DNAJC1: variants seen among roughly 807,000 people sequenced by gnomAD.
DNAJC1 encodes the protein DnaJ heat shock protein family (Hsp40) member C1.
In DNAJC1, 58 loss-of-function variants were observed where a neutral mutation model predicts 76.6. That is an observed-to-expected ratio of 0.76 (90% CI 0.61 to 0.94). The LOEUF is 0.94. Ranked by LOEUF, DNAJC1 falls within the 40% of genes least tolerant of loss-of-function variation. The probability of loss-of-function intolerance (pLI) is 0.00; values close to 1 mark genes in which losing one functional copy is unlikely to be tolerated. For synonymous variants in DNAJC1, 258 were observed against 267.9 expected, an observed-to-expected ratio of 0.96 and a Z score of 0.36; for missense variants, 689 against 677.3, an observed-to-expected ratio of 1.02 and a Z score of -0.19.
At chr10:21,885,227 G>C (rs924460722) in intron 7 of DNAJC1, among the ~76,000 whole-genome samples, 11 of 151,404 alleles carry the variant, frequency 7.3e-5, no homozygotes, top group African/African-American at 2.7e-4. Context: ...CTAATTTAAA[G>C]ATTAAAAAAC....
intron 7 of DNAJC1, among the ~76,000 whole-genome samples, chr10:21,882,831 A>G (rs918327201): frequency 1.3e-5 from 2 of 152,078 alleles, no homozygotes; most frequent in African/African-American, 4.8e-5. Flanking sequence ...TCTCATCTAT[A>G]AAAAAAACCT....
chr10:21,837,082 C>T (rs1044253380), intron 8 of DNAJC1, among the ~76,000 whole-genome samples: 1 of 152,228 alleles, frequency 6.6e-6, no homozygotes, highest in African/African-American at 2.4e-5. Flanking sequence ...GACTGGTATT[C>T]GTATTTTTTT....
intron 1 of DNAJC1, among the ~76,000 whole-genome samples, chr10:21,996,797 G>C (rs1032605613): frequency 6.6e-6 from 1 of 152,100 alleles, no homozygotes; most frequent in Non-Finnish European, 1.5e-5. Context: ...ATTGGCTCAG[G>C]CATCTTCCAC....
chr10:21,821,913 G>A (rs912602171), intron 8 of DNAJC1, among the ~76,000 whole-genome samples: 22 of 151,256 alleles, frequency 1.5e-4, no homozygotes, highest in African/African-American at 4.6e-4. Context: ...ACATATCACC[G>A]GTAAATGGTA....
In DNAJC1 at chr10:21,766,282, C is replaced by T. The variant is rs1352340052; in HGVS notation, c.1126G>A (p.Asp376Asn). 1 of 1,613,604 alleles carries T rather than the reference C, an allele frequency of 6.2e-7. No homozygotes were observed. Among genetic ancestry groups the T allele is most frequent in the Admixed American group, 1.7e-5 (1 of 60,016 alleles). ...TCACCTGGGGAGCAGGTCACTGAAT[C>T]CTTCAGTTGCTTGGCTTTGGTTGTC... is the stretch of plus-strand genomic sequence containing the variant. ...DVTTKAKQLK[D>N]SVTCSPGMVR... The change falls in exon 10 of 12, where the codon GAT becomes AAT. Residue 376 changes from aspartate (D) to asparagine (N), a missense_variant. Transcript: ENST00000376980.
chr10:21,789,362 A>G (rs1051103069), intron 9 of DNAJC1, among the ~76,000 whole-genome samples: 1 of 152,180 alleles, frequency 6.6e-6, no homozygotes, highest in African/African-American at 2.4e-5. Context: ...GTAAGACCCA[A>G]CTGCAGGTGA....
At chr10:21,850,961 A>C (rs1290549032) in intron 8 of DNAJC1, among the ~76,000 whole-genome samples, 1 of 152,216 alleles carries the variant, frequency 6.6e-6, no homozygotes, top group Non-Finnish European at 1.5e-5. Flanking sequence ...GAGACTATAC[A>C]TACAGAATGA....
intron 8 of DNAJC1, among the ~76,000 whole-genome samples, chr10:21,862,493 A>C (rs563200064): frequency 7.3e-6 from 1 of 137,678 alleles, no homozygotes; most frequent in Non-Finnish European, 1.5e-5. Context: ...CAGTCGTGTG[A>C]TCTTGGCTGA....
chr10:21,779,938 C>T (rs987574518), intron 9 of DNAJC1, among the ~76,000 whole-genome samples: 11 of 152,196 alleles, frequency 7.2e-5, no homozygotes, highest in Admixed American at 2.0e-4. Flanking sequence ...AAGAGAACTA[C>T]GTGATGCATG....
intron 8 of DNAJC1, among the ~76,000 whole-genome samples, chr10:21,853,979 A>C (rs1310751213): frequency 6.6e-6 from 1 of 152,024 alleles, no homozygotes; most frequent in Non-Finnish European, 1.5e-5. Context: ...CCTTTGAAAG[A>C]TCAACACATA....
intron 1 of DNAJC1, among the ~76,000 whole-genome samples, chr10:21,954,297 TG>T (rs1413862541): frequency 6.6e-6 from 1 of 152,182 alleles, no homozygotes; most frequent in Non-Finnish European, 1.5e-5. Context: ...ACACTCTCAT[TG>T]TACTCTCAGG....
chr10:21,943,291 A>G (rs1182624229), intron 1 of DNAJC1, among the ~76,000 whole-genome samples: 1 of 152,228 alleles, frequency 6.6e-6, no homozygotes, highest in Non-Finnish European at 1.5e-5. Flanking sequence ...ATAAAACAGA[A>G]AAGGGAAAAA....
At chr10:21,924,223 T>C (rs1837084359) in intron 3 of DNAJC1, among the ~76,000 whole-genome samples, 1 of 152,126 alleles carries the variant, frequency 6.6e-6, no homozygotes, top group South Asian at 2.1e-4. Flanking sequence ...ATTCTCAGAC[T>C]AATGGTTATT....
At chr10:21,854,165 A>G (rs1193644569) in intron 8 of DNAJC1, among the ~76,000 whole-genome samples, 2 of 152,160 alleles carry the variant, frequency 1.3e-5, no homozygotes, top group Admixed American at 6.5e-5. Flanking sequence ...GAAGAGAAAT[A>G]TAAGTCACCA....
rs948906770 is a variant in DNAJC1, at chr10:21,831,639, T to C, written c.979-25540A>G. Among the ~76,000 whole-genome samples the C allele has an allele frequency of 4.6e-5, 7 of 151,736 alleles. 1 individual carries two copies. ...CCCCATCTCTACTCAAAATTCAAAA[T>C]ATTAGCCAGGCATGGTGGCAGGCGC... On this transcript the variant is annotated intron_variant, in intron 8 of 11. Transcript: ENST00000376980.
chr10:21,969,022 G>A (rs1329402571), intron 1 of DNAJC1, among the ~76,000 whole-genome samples: 2 of 151,820 alleles, frequency 1.3e-5, no homozygotes, highest in Non-Finnish European at 2.9e-5. Context: ...TCAGGAATTC[G>A]AGACCAGCCT....
At chr10:21,766,945 G>T (rs991187702) in intron 9 of DNAJC1, among the ~76,000 whole-genome samples, 1 of 149,346 alleles carries the variant, frequency 6.7e-6, no homozygotes, top group Non-Finnish European at 1.5e-5. Flanking sequence ...ACTCCAGCCT[G>T]GGCATCGGAG....
chr10:21,820,785 C>A (rs1432373132), intron 8 of DNAJC1, among the ~76,000 whole-genome samples: 2 of 152,212 alleles, frequency 1.3e-5, no homozygotes, highest in African/African-American at 2.4e-5. Flanking sequence ...GTGGCTCACA[C>A]AACCCAGGGA....
intron 9 of DNAJC1, among the ~76,000 whole-genome samples, chr10:21,803,633 G>C (rs1053066964): frequency 6.7e-6 from 1 of 149,372 alleles, no homozygotes; most frequent in Non-Finnish European, 1.5e-5. Context: ...GTATGTATGT[G>C]TGTGTGTGTG....
Sources: allele counts gnomAD v4.1 joint callset (sites outside exome capture counted in the v4.1 genomes callset), GRCh38; gene constraint gnomAD v4.1.1; transcripts MANE v1.5; gene names NCBI Gene and HGNC (gene_info 2026-07-23, HGNC 2026-07-21).